The following NEIL3 variants were observed in gnomAD, a reference collection of about 807,000 sequenced individuals.
NEIL3 encodes nei like DNA glycosylase 3.
In NEIL3, 48 loss-of-function variants were observed where a neutral mutation model predicts 57.5. The observed-to-expected ratio is 0.83, with a 90% CI of 0.66 to 1.06. The LOEUF is 1.06. Ranked by LOEUF, NEIL3 falls within the 50% of genes least tolerant of loss-of-function variation. NEIL3 has a pLI of 0.00. For missense variants in NEIL3, 717 were observed against 739.1 expected (o/e 0.97, Z 0.35); for synonymous variants, 261 against 253.2 (o/e 1.03, Z -0.29).
rs1735395391 is a variant in NEIL3, at chr4:177,353,193, ATTAG to A, written c.1040-112_1040-109del. On this transcript the variant is annotated intron_variant, in intron 7 of 9. Transcript: ENST00000264596. ...TAACTTTGTGTTATTAGTTCTATATATTAGTTCACTGTAATAAAGTGAAGTAAAT... is the reference window on the plus strand; with the variant it reads ...TAACTTTGTGTTATTAGTTCTATATATTCACTGTAATAAAGTGAAGTAAAT... The A allele has an allele frequency of 1.1e-5, 9 of 797,994 alleles. No homozygotes were observed. The South Asian group carries it at 1.6e-4, about 14-fold the overall frequency. 49.4% of individuals were successfully genotyped at this position (797,994 alleles called of 1,614,324 possible).
downstream of NEIL3, among the ~76,000 whole-genome samples, chr4:177,367,375 T>C (rs1579014023): frequency 6.9e-6 from 1 of 144,604 alleles, no homozygotes. Flanking sequence ...ACAGAGCCCT[T>C]GCGATGCAGT....
chr4:177,341,064 G>A (rs922698930), intron 5 of NEIL3, among the ~76,000 whole-genome samples: 1 of 152,052 alleles, frequency 6.6e-6, no homozygotes, highest in Non-Finnish European at 1.5e-5. Context: ...TTGAAACTGA[G>A]TGAGCAGTTT....
At chr4:177,348,795 C>T (rs1436738907) in intron 6 of NEIL3, among the ~76,000 whole-genome samples, 3 of 148,072 alleles carry the variant, frequency 2.0e-5, no homozygotes, top group East Asian at 2.0e-4. Flanking sequence ...ATGAATTGAG[C>T]GATACTGATG....
At chr4:177,322,379 C>G in intron 1 of NEIL3, 80 bp from the exon 2 acceptor site, 1 of 1,574,192 alleles carries the variant, frequency 6.4e-7, no homozygotes, top group South Asian at 1.1e-5. Context: ...GTAATATAAA[C>G]ACATTTAAGA....
chr4:177,318,008 T>C (rs1368128505), intron 1 of NEIL3, among the ~76,000 whole-genome samples: 1 of 152,160 alleles, frequency 6.6e-6, no homozygotes, highest in Admixed American at 6.5e-5. Flanking sequence ...AATAAAAACT[T>C]CTTTCAAAAA....
intron 1 of NEIL3, among the ~76,000 whole-genome samples, chr4:177,319,949 C>T (rs569145473): frequency 1.3e-5 from 2 of 152,262 alleles, no homozygotes; most frequent in African/African-American, 4.8e-5. Flanking sequence ...AAACAAGGCT[C>T]TCACCATTGA....
At chr4:177,347,667 G>A (rs971531299) in intron 6 of NEIL3, among the ~76,000 whole-genome samples, 3 of 152,168 alleles carry the variant, frequency 2.0e-5, no homozygotes, top group Admixed American at 1.3e-4. Flanking sequence ...GGAAGAGAGA[G>A]AAGGTGGTGG....
At chr4:177,357,366 A>ATT (rs111326874) in intron 8 of NEIL3, among the ~76,000 whole-genome samples, 1 of 150,420 alleles carries the variant, frequency 6.6e-6, no homozygotes, top group African/African-American at 2.4e-5. Context: ...TTTTTGTGTG[A>ATT]TTTTTTTTTT....
intron 6 of NEIL3, among the ~76,000 whole-genome samples, chr4:177,345,790 A>G (rs1157625660): frequency 6.7e-6 from 1 of 149,536 alleles, no homozygotes; most frequent in African/African-American, 2.5e-5. Flanking sequence ...CCTAGGTTCA[A>G]ATGATTCTCC....
chr4:177,317,022 G>A (rs1419153799), intron 1 of NEIL3, among the ~76,000 whole-genome samples: 4 of 152,096 alleles, frequency 2.6e-5, no homozygotes, highest in Admixed American at 2.6e-4. Flanking sequence ...TTCAAGCCAA[G>A]GTCATATAGC....
intron 2 of NEIL3, among the ~76,000 whole-genome samples, chr4:177,325,582 A>G (rs1026537257): frequency 2.6e-5 from 4 of 152,106 alleles, no homozygotes; most frequent in African/African-American, 9.7e-5. Context: ...ATGACTTAGA[A>G]ATTCTAAGTC....
chr4:177,360,559 G>C lies in NEIL3; in HGVS notation c.1517G>C (p.Arg506Pro), dbSNP rs369826671. The C allele has an allele frequency of 1.2e-6, 2 of 1,613,776 alleles. No homozygotes were observed. The highest frequency in any genetic ancestry group is 2.7e-5 in the African/African-American group (2 of 74,870). The change falls in exon 9 of 10, where the codon CGC becomes CCC. Residue 506 changes from arginine (R) to proline (P), a missense_variant. By Grantham distance (103) the Arg-to-Pro change is moderately radical. Coordinates refer to ENST00000264596, the MANE Select transcript of NEIL3 (RefSeq NM_018248.3). ...GPRTLNPDSP[R>P]CSKHNRLCIL... is the part of the protein sequence containing the mutation. ...CGTACCTTAAATCCTGACAGCCCTC[G>C]CTGCAGTAAACACAACCGCCTCTGC...
At chr4:177,328,778 T>G (rs1472495683) in intron 2 of NEIL3, among the ~76,000 whole-genome samples, 1 of 152,166 alleles carries the variant, frequency 6.6e-6, no homozygotes, top group Non-Finnish European at 1.5e-5. Context: ...ATAAAAGATG[T>G]TTTTCTGTTA....
At chr4:177,315,091 GTGT>G (rs1734550319) in intron 1 of NEIL3, among the ~76,000 whole-genome samples, 2 of 144,834 alleles carry the variant, frequency 1.4e-5, no homozygotes, top group Non-Finnish European at 3.0e-5. Flanking sequence ...AAAAAAAAAT[GTGT>G]TGTTGTACTG....
intron 8 of NEIL3, chr4:177,354,232 C>T (rs1473090577): frequency 6.8e-6 from 1 of 147,514 alleles, no homozygotes; most frequent in Non-Finnish European, 1.5e-5. Flanking sequence ...ACGTAATTTC[C>T]TACATGTATG....
At chr4:177,364,920 CTG>C (rs1735673844), downstream of NEIL3, among the ~76,000 whole-genome samples, 1 of 143,900 alleles carries the variant, frequency 6.9e-6, no homozygotes, top group South Asian at 2.3e-4. Context: ...GAGTGAGACT[CTG>C]TCTCAAAAAA....
intron 1 of NEIL3, among the ~76,000 whole-genome samples, chr4:177,320,680 G>C (rs1167964537): frequency 6.6e-6 from 1 of 150,942 alleles, no homozygotes; most frequent in Non-Finnish European, 1.5e-5. Context: ...AGGGTTTCAC[G>C]GTGGTCTCGA....
At chr4:177,343,249 G>A (rs1222128410) in intron 6 of NEIL3, 3 of 152,206 alleles carry the variant, frequency 2.0e-5, no homozygotes, top group South Asian at 4.1e-4. Flanking sequence ...GGAATATCCA[G>A]GAAGACATGT....
At chr4:177,315,042 C>G (rs1486227046) in intron 1 of NEIL3, among the ~76,000 whole-genome samples, 1 of 141,152 alleles carries the variant, frequency 7.1e-6, no homozygotes, top group East Asian at 2.1e-4. Flanking sequence ...GCACTCGAGC[C>G]TGGGCAACAG....
Sources: gnomAD v4.1 joint callset for allele counts (sites outside exome capture counted in the v4.1 genomes callset) on GRCh38, gnomAD v4.1.1 for gene constraint, MANE v1.5 for transcripts, NCBI Gene and HGNC (gene_info 2026-07-23, HGNC 2026-07-21) for gene names.